Variants in PLCL1 observed in about 807,000 individuals in gnomAD.
The protein encoded by PLCL1 is phospholipase C like 1 (inactive), also known as inactive phospholipase C-like protein 1.
PLCL1 carries 41 observed loss-of-function variants against 84.4 expected under a neutral mutation model. The ratio of observed to expected loss-of-function variants is 0.49; its 90% CI spans 0.38 to 0.63. The LOEUF (loss-of-function observed/expected upper bound fraction) is 0.63. Among genes scored for constraint, PLCL1 ranks in the 30% least tolerant of loss-of-function variants. The pLI, the probability that PLCL1 is intolerant of heterozygous loss-of-function variation, is 0.00. For missense variants in PLCL1, 1,206 were observed against 1,367.8 expected (o/e 0.88, Z 1.87); for synonymous variants, 490 against 488.3 (o/e 1.00, Z -0.05).
chr2:197,859,217 C>G (rs1254554162), intron 1 of PLCL1, among the ~76,000 whole-genome samples: 1 of 152,134 alleles, frequency 6.6e-6, no homozygotes, highest in Non-Finnish European at 1.5e-5. Context: ...TGTTAGCTTT[C>G]TCTTCTTCCT....
intron 1 of PLCL1, among the ~76,000 whole-genome samples, chr2:198,007,304 A>T (rs1559071907): frequency 6.6e-6 from 1 of 152,232 alleles, no homozygotes; most frequent in Admixed American, 6.5e-5. Context: ...GCAACTAAAA[A>T]TTGAGTCAAA....
chr2:198,049,495 T>G (rs1018569121), intron 1 of PLCL1, among the ~76,000 whole-genome samples: 13 of 152,132 alleles, frequency 8.5e-5, no homozygotes, highest in African/African-American at 3.1e-4. Flanking sequence ...CCCAATGGAC[T>G]TTGAGTGTTA....
At chr2:198,096,558 G>A (rs1012738286) in intron 3 of PLCL1, among the ~76,000 whole-genome samples, 4 of 152,084 alleles carry the variant, frequency 2.6e-5, no homozygotes, top group African/African-American at 9.7e-5. Context: ...AGCTACAGGA[G>A]GTTGCAACTG....
chr2:198,023,401 G>A (rs186735207), intron 1 of PLCL1, among the ~76,000 whole-genome samples: 2 of 152,274 alleles, frequency 1.3e-5, no homozygotes, highest in African/African-American at 4.8e-5. Context: ...TGACAAATGA[G>A]ATCTAATTAA....
intron 1 of PLCL1, among the ~76,000 whole-genome samples, chr2:197,876,768 T>C (rs1687741157): frequency 6.6e-6 from 1 of 152,164 alleles, no homozygotes; most frequent in Non-Finnish European, 1.5e-5. Context: ...TTATTTCAGC[T>C]GAATTCTAAC....
intron 1 of PLCL1, among the ~76,000 whole-genome samples, chr2:198,055,287 G>A (rs1362043537): frequency 4.5e-5 from 6 of 134,768 alleles, no homozygotes; most frequent in African/African-American, 1.9e-4. Context: ...AGGACTGCTG[G>A]TCAAAGCCTC....
intron 1 of PLCL1, among the ~76,000 whole-genome samples, chr2:197,836,054 T>C (rs1691180840): frequency 6.6e-6 from 1 of 152,208 alleles, no homozygotes; most frequent in African/African-American, 2.4e-5. Context: ...TGTTTTGCTA[T>C]ATCTATAGAA....
chr2:197,899,101 T>C (rs1688213844), intron 1 of PLCL1, among the ~76,000 whole-genome samples: 1 of 152,192 alleles, frequency 6.6e-6, no homozygotes, highest in Admixed American at 6.5e-5. Context: ...ACACTGGGAA[T>C]AGTGTTAAAC....
intron 1 of PLCL1, among the ~76,000 whole-genome samples, chr2:198,019,215 A>G (rs761334680): frequency 6.6e-6 from 1 of 152,214 alleles, no homozygotes; most frequent in Non-Finnish European, 1.5e-5. Flanking sequence ...ACCATGCAAA[A>G]ACTTCATCCT....
chr2:197,832,370 T>C (rs1691085747), intron 1 of PLCL1, among the ~76,000 whole-genome samples: 1 of 152,156 alleles, frequency 6.6e-6, no homozygotes, highest in Non-Finnish European at 1.5e-5. Context: ...GAGAATACTA[T>C]AAACACCTCT....
chr2:198,016,889 C>A (rs1381246672), intron 1 of PLCL1, among the ~76,000 whole-genome samples: 1 of 152,166 alleles, frequency 6.6e-6, no homozygotes, highest in African/African-American at 2.4e-5. Flanking sequence ...CCAGTCAGCA[C>A]TTAATGCTTA....
At position 198,084,920 on chromosome 2, in the gene PLCL1, T is replaced by A. The variant is rs754994541; in HGVS notation, c.1403T>A (p.Phe468Tyr). The A allele has an allele frequency of 2.4e-5, 39 of 1,613,878 alleles. No homozygotes were observed. The Middle Eastern group carries it at 3.5e-3, about 143-fold the overall frequency. Residue 468 changes from phenylalanine to tyrosine, a missense_variant, in exon 2 of 6, where the codon TTT becomes TAT. Phe to Tyr is a conservative substitution (Grantham distance 22). Coordinates refer to ENST00000428675, the MANE Select transcript of PLCL1 (RefSeq NM_006226.4). Reference sequence around the variant, plus strand: ...AATAACATGACAACCCATGTTTCCTTTCGAAGTGTCATAGAGGTAATAAAT... The same window carrying A: ...AATAACATGACAACCCATGTTTCCTATCGAAGTGTCATAGAGGTAATAAAT... Reference protein sequence around the residue: ...NRNNMTTHVSFRSVIEVINKF... With the variant: ...NRNNMTTHVSYRSVIEVINKF...
At chr2:198,029,369 A>G (rs1691351769) in intron 1 of PLCL1, among the ~76,000 whole-genome samples, 1 of 152,170 alleles carries the variant, frequency 6.6e-6, no homozygotes. Context: ...TACATTTTCT[A>G]CTAGAGAGTA....
At chr2:197,953,475 C>A (rs1490552580) in intron 1 of PLCL1, among the ~76,000 whole-genome samples, 1 of 151,984 alleles carries the variant, frequency 6.6e-6, no homozygotes, top group African/African-American at 2.4e-5. Flanking sequence ...AATGATGATG[C>A]ACAGGCTGAG....
rs750326426 is a variant in PLCL1, at chr2:198,084,099, C to T, written c.582C>T (p.His194=). 92 of 1,613,946 alleles carry T rather than the reference C, an allele frequency of 5.7e-5. 1 individual carries two copies. The South Asian group carries it at 6.7e-4, about 12-fold the overall frequency. The part of the protein sequence containing the change: ...ICEDCAFSIL[H]GENYESLDLV... Reference sequence around the variant, plus strand: ...AGGACTGTGCCTTTTCCATACTCCACGGGGAAAACTATGAGTCTCTGGACC... The same window carrying T: ...AGGACTGTGCCTTTTCCATACTCCATGGGGAAAACTATGAGTCTCTGGACC... Residue 194 remains histidine (H), a synonymous_variant, in exon 2 of 6, where the codon CAC becomes CAT. Transcript: ENST00000428675.
chr2:197,845,751 A>C (rs920449688), intron 1 of PLCL1, among the ~76,000 whole-genome samples: 9 of 152,124 alleles, frequency 5.9e-5, no homozygotes, highest in African/African-American at 1.9e-4. Context: ...TTCACTCTCT[A>C]TAGTATATAT....
chr2:198,110,087 A>C (rs1012441522), intron 5 of PLCL1, among the ~76,000 whole-genome samples: 2 of 151,808 alleles, frequency 1.3e-5, no homozygotes, highest in Non-Finnish European at 2.9e-5. Context: ...AATAACAGGC[A>C]ATAAATAAAA....
chr2:198,133,271 C>T (rs1469676936), intron 5 of PLCL1, among the ~76,000 whole-genome samples: 2 of 149,922 alleles, frequency 1.3e-5, no homozygotes, highest in Admixed American at 6.7e-5. Flanking sequence ...TAAACTATCA[C>T]AAGAACAAAA....
At chr2:198,008,137 C>G (rs928565515) in intron 1 of PLCL1, among the ~76,000 whole-genome samples, 1 of 152,056 alleles carries the variant, frequency 6.6e-6, no homozygotes, top group Non-Finnish European at 1.5e-5. Context: ...ATGAACTCTT[C>G]CAATTTTTTT....
Sources: allele counts gnomAD v4.1 joint callset (sites outside exome capture counted in the v4.1 genomes callset), GRCh38; gene constraint gnomAD v4.1.1; transcripts MANE v1.5; gene names NCBI Gene and HGNC (gene_info 2026-07-23, HGNC 2026-07-21).